Variants in DACH1 observed in about 807,000 individuals in gnomAD.
DACH1 encodes the protein dachshund homolog 1.
In DACH1, 12 loss-of-function variants were observed where a neutral mutation model predicts 54.2. That is an observed-to-expected ratio of 0.22 (90% CI 0.14 to 0.36). The LOEUF (loss-of-function observed/expected upper bound fraction) is 0.36. Among genes scored for constraint, DACH1 ranks in the 10% least tolerant of loss-of-function variants. The pLI is 1.00. For synonymous variants in DACH1, 386 were observed against 366.2 expected, an observed-to-expected ratio of 1.05 and a Z score of -0.62; for missense variants, 805 against 929.8, an observed-to-expected ratio of 0.87 and a Z score of 1.75.
chr13:71,831,843 A>G (rs146147023), intron 1 of DACH1, among the ~76,000 whole-genome samples: 1 of 151,994 alleles, frequency 6.6e-6, no homozygotes, highest in Non-Finnish European at 1.5e-5. Flanking sequence ...TTGCAAACAC[A>G]CACTGGAGCT....
At chr13:71,841,483 G>T (rs1872839813) in intron 1 of DACH1, among the ~76,000 whole-genome samples, 1 of 152,038 alleles carries the variant, frequency 6.6e-6, no homozygotes, top group African/African-American at 2.4e-5. Context: ...CTTTGTCAGA[G>T]CCTGGATATG....
intron 6 of DACH1, among the ~76,000 whole-genome samples, chr13:71,540,876 A>T (rs1020580090): frequency 3.9e-5 from 6 of 151,976 alleles, no homozygotes; most frequent in Admixed American, 2.6e-4. Flanking sequence ...TGATTAAATG[A>T]TCACCAACAT....
At chr13:71,705,339 A>G (rs1882384830) in intron 1 of DACH1, among the ~76,000 whole-genome samples, 1 of 151,608 alleles carries the variant, frequency 6.6e-6, no homozygotes, top group Non-Finnish European at 1.5e-5. Flanking sequence ...AAAATGCTCT[A>G]AAGCGCTATT....
chr13:71,667,978 T>G (rs557000696), intron 2 of DACH1, among the ~76,000 whole-genome samples: 1 of 152,214 alleles, frequency 6.6e-6, no homozygotes, highest in African/African-American at 2.4e-5. Context: ...AGATAATAGA[T>G]AATACAAAGG....
At chr13:71,748,617 A>G (rs1413351715) in intron 1 of DACH1, among the ~76,000 whole-genome samples, 1 of 152,152 alleles carries the variant, frequency 6.6e-6, no homozygotes, top group East Asian at 1.9e-4. Flanking sequence ...TACTATAGCA[A>G]TCCTCATTCC....
chr13:71,537,776 T>G (rs1882901434), intron 6 of DACH1, among the ~76,000 whole-genome samples: 1 of 152,146 alleles, frequency 6.6e-6, no homozygotes, highest in African/African-American at 2.4e-5. Context: ...AGGTGCCTTG[T>G]TGTCTGTATT....
At chr13:71,707,916 C>A (rs955884902) in intron 1 of DACH1, among the ~76,000 whole-genome samples, 3 of 152,068 alleles carry the variant, frequency 2.0e-5, no homozygotes, top group Non-Finnish European at 2.9e-5. Flanking sequence ...ACACCTCCCA[C>A]TATTTGGCTT....
chr13:71,475,387 C>G (rs544738593), intron 9 of DACH1, among the ~76,000 whole-genome samples, 178 bp from the exon 10 acceptor site: 19 of 152,060 alleles, frequency 1.2e-4, no homozygotes, highest in Non-Finnish European at 2.2e-4. Context: ...GAACAGTAAG[C>G]AATGCAACAT....
At chr13:71,771,315 GGATA>G (rs141779143) in intron 1 of DACH1, among the ~76,000 whole-genome samples, 34,491 of 140,780 alleles carry the variant, frequency 0.24, 4,323 homozygotes, top group Non-Finnish European at 0.26. Flanking sequence ...AGAAGCAAAA[GGATA>G]AATAAATAAA....
chr13:71,579,434 A>G (rs1885727808), intron 3 of DACH1, among the ~76,000 whole-genome samples: 1 of 152,072 alleles, frequency 6.6e-6, no homozygotes, highest in African/African-American at 2.4e-5. Context: ...AACTAAAGAG[A>G]ACGGGAAACA....
chr13:71,731,406 C>A (rs925784657), intron 1 of DACH1, among the ~76,000 whole-genome samples: 1 of 151,756 alleles, frequency 6.6e-6, no homozygotes, highest in East Asian at 1.9e-4. Context: ...ATTCTCCTGC[C>A]TCAGCCTCCT....
At chr13:71,569,021 T>C (rs974887560) in intron 4 of DACH1, among the ~76,000 whole-genome samples, 8 of 152,212 alleles carry the variant, frequency 5.3e-5, no homozygotes, top group Non-Finnish European at 1.0e-4. Flanking sequence ...CAACCAGCCA[T>C]AGAAAGTCTA....
chr13:71,493,864 G>C (rs772967960), intron 6 of DACH1, among the ~76,000 whole-genome samples: 1 of 152,052 alleles, frequency 6.6e-6, no homozygotes, highest in Non-Finnish European at 1.5e-5. Context: ...AAAGATTTAT[G>C]AATATCTATG....
At chr13:71,663,727 G>C (rs1266855170) in intron 2 of DACH1, among the ~76,000 whole-genome samples, 7 of 151,880 alleles carry the variant, frequency 4.6e-5, no homozygotes, top group Non-Finnish European at 8.8e-5. Flanking sequence ...GCTAGTTTCA[G>C]AGTGAATATA....
At chr13:71,558,733 T>C (rs1223596880) in intron 5 of DACH1, among the ~76,000 whole-genome samples, 3 of 152,042 alleles carry the variant, frequency 2.0e-5, no homozygotes, top group African/African-American at 7.2e-5. Flanking sequence ...AGTATATATA[T>C]TTAGTATTAT....
At chr13:71,794,057 T>C (rs1360662908) in intron 1 of DACH1, among the ~76,000 whole-genome samples, 1 of 142,392 alleles carries the variant, frequency 7.0e-6, no homozygotes, top group African/African-American at 2.6e-5. Context: ...TTATTATCCA[T>C]TTTTTCCTTA....
intron 1 of DACH1, among the ~76,000 whole-genome samples, chr13:71,848,800 C>A (rs9572803): frequency 6.6e-6 from 1 of 152,072 alleles, no homozygotes; most frequent in Non-Finnish European, 1.5e-5. Flanking sequence ...GCTGGGATTA[C>A]AGGTGTGAGC....
chr13:71,842,061 T>C lies in DACH1; in HGVS notation c.848+23861A>G, dbSNP rs371236742. 7.9e-5 allele frequency among the ~76,000 whole-genome samples: 12 copies of C among 152,034 alleles called. No individual in the cohort carries two copies. In the East Asian group the frequency reaches 1.9e-3, roughly 25 times the overall value. On this transcript the variant is annotated intron_variant, in intron 1 of 10. Transcript: ENST00000613252. ...GCTGCAAGTATAGTGTACTAAAGAG[T>C]GTAGAATTTGGAATCAGAAAGCCTC...
chr13:71,805,790 G>A (rs924270196), intron 1 of DACH1, among the ~76,000 whole-genome samples: 3 of 152,034 alleles, frequency 2.0e-5, no homozygotes, highest in Admixed American at 6.6e-5. Flanking sequence ...AAAGAAATGC[G>A]ATAATAATAT....
Sources: allele counts gnomAD v4.1 joint callset (sites outside exome capture counted in the v4.1 genomes callset), GRCh38; gene constraint gnomAD v4.1.1; transcripts MANE v1.5; gene names NCBI Gene and HGNC (gene_info 2026-07-23, HGNC 2026-07-21).